The following HRH1 variants were observed in gnomAD, a reference collection of about 807,000 sequenced individuals.
The protein encoded by HRH1 is histamine receptor H1, also known as histamine H1 receptor.
In HRH1, 6 loss-of-function variants were observed where a neutral mutation model predicts 10.3. The ratio of observed to expected loss-of-function variants is 0.58; its 90% CI spans 0.32 to 1.15. HRH1 has a LOEUF of 1.15. Among genes scored for constraint, HRH1 ranks in the 50% most tolerant of loss-of-function variants. The probability of loss-of-function intolerance (pLI) is 0.05; values close to 1 mark genes in which losing one functional copy is unlikely to be tolerated. For synonymous variants in HRH1, 242 were observed against 236.7 expected, an observed-to-expected ratio of 1.02 and a Z score of -0.21; for missense variants, 514 against 615.3, an observed-to-expected ratio of 0.84 and a Z score of 1.74.
chr3:11,173,558 C>T (rs1420533387), intron 1 of HRH1, among the ~76,000 whole-genome samples: 1 of 151,760 alleles, frequency 6.6e-6, no homozygotes, highest in Non-Finnish European at 1.5e-5. Context: ...CCCGCCACCA[C>T]ACCCAGCTAA....
chr3:11,248,615 A>C (rs192280838), intron 1 of HRH1, among the ~76,000 whole-genome samples: 2 of 152,360 alleles, frequency 1.3e-5, no homozygotes, highest in East Asian at 3.9e-4. Context: ...GAACAAGGGC[A>C]TACTGATTGG....
At chr3:11,253,139 A>G (rs1319069777) in intron 1 of HRH1, 1 of 152,176 alleles carries the variant, frequency 6.6e-6, no homozygotes, top group Non-Finnish European at 1.5e-5. Flanking sequence ...CCAGAGATAA[A>G]AAGTTTTTCT....
intron 1 of HRH1, among the ~76,000 whole-genome samples, chr3:11,251,897 T>C (rs911985324): frequency 2.6e-5 from 4 of 152,220 alleles, no homozygotes; most frequent in African/African-American, 4.8e-5. Flanking sequence ...ATTGAATGCA[T>C]TTGGACCATC....
rs1012924398 is a variant in HRH1, at chr3:11,177,164, G to A, written c.-36+22610G>A. ...TCCTATAATCCCAGCATTCAGGGAG[G>A]CCAAGTAAGGTGGGAGGATTGCTTG... On this transcript the variant is annotated intron_variant, in intron 1 of 1. Coordinates refer to ENST00000431010, the MANE Select transcript of HRH1 (RefSeq NM_001098212.2). Among the ~76,000 whole-genome samples the A allele has an allele frequency of 3.3e-5, 5 of 151,962 alleles. No individual in the cohort carries two copies. In the South Asian group the frequency reaches 8.3e-4, roughly 25 times the overall value.
At chr3:11,152,568 G>A (rs192661048), upstream of HRH1, among the ~76,000 whole-genome samples, 3 of 152,160 alleles carry the variant, frequency 2.0e-5, no homozygotes, top group Admixed American at 6.5e-5. Context: ...AGAGAGGAGG[G>A]ATGAAAGTGT....
intron 1 of HRH1, among the ~76,000 whole-genome samples, chr3:11,207,716 G>T (rs540672785): frequency 2.0e-4 from 30 of 152,202 alleles, no homozygotes; most frequent in Admixed American, 1.0e-3. Context: ...TCCCTCCTAG[G>T]GTGATTCTGA....
chr3:11,186,319 C>T (rs971993212), intron 1 of HRH1, among the ~76,000 whole-genome samples: 10 of 152,226 alleles, frequency 6.6e-5, no homozygotes, highest in African/African-American at 2.4e-4. Context: ...GCATTATCTG[C>T]TTCAGAACAG....
chr3:11,232,463 C>G (rs1008533101), intron 1 of HRH1, among the ~76,000 whole-genome samples: 2 of 152,176 alleles, frequency 1.3e-5, no homozygotes, highest in African/African-American at 4.8e-5. Context: ...TCTTGCCTCT[C>G]TGTTCTATTC....
chr3:11,153,726 A>G (rs1460942282), upstream of HRH1, among the ~76,000 whole-genome samples: 1 of 151,922 alleles, frequency 6.6e-6, no homozygotes, highest in Non-Finnish European at 1.5e-5. Context: ...TGCCAGGGAC[A>G]GAGGTTCCCG....
At chr3:11,190,767 CT>C (rs983085848) in intron 1 of HRH1, among the ~76,000 whole-genome samples, 3 of 152,108 alleles carry the variant, frequency 2.0e-5, no homozygotes, top group African/African-American at 7.2e-5. Context: ...GGGAGGATCG[CT>C]TGAGCCGTGA....
intron 1 of HRH1, among the ~76,000 whole-genome samples, chr3:11,167,341 T>C (rs1268388278): frequency 6.0e-5 from 7 of 117,460 alleles, no homozygotes; most frequent in Non-Finnish European, 1.1e-4. Flanking sequence ...TGACATCTGC[T>C]GTCCCCTGGC....
chr3:11,248,083 A>T (rs1939537568), intron 1 of HRH1, among the ~76,000 whole-genome samples: 1 of 152,124 alleles, frequency 6.6e-6, no homozygotes, highest in African/African-American at 2.4e-5. Context: ...TTATTGTTCC[A>T]TCGGGGGCGG....
intron 1 of HRH1, among the ~76,000 whole-genome samples, chr3:11,146,875 G>T (rs935459167): frequency 1.3e-5 from 2 of 152,180 alleles, no homozygotes; most frequent in Non-Finnish European, 2.9e-5. Context: ...GCTAAGAGAG[G>T]AAATGAGACT....
chr3:11,180,324 G>C (rs559902258), intron 1 of HRH1, among the ~76,000 whole-genome samples: 1 of 152,098 alleles, frequency 6.6e-6, no homozygotes. Context: ...CCACGGACGG[G>C]GGTTGAAGGG....
Position 11,259,658 on chromosome 3 carries a change from C to G in HRH1, c.621C>G (p.Leu207=). The G allele has an allele frequency of 6.2e-7, 1 of 1,613,998 alleles. No individual in the cohort carries two copies. The highest frequency in any genetic ancestry group is 8.5e-7 in the Non-Finnish European group (1 of 1,180,004). The change falls in exon 2 of 2, where the codon CTC becomes CTG. Residue 207 remains leucine, a synonymous_variant. Coordinates refer to ENST00000431010, the MANE Select transcript of HRH1 (RefSeq NM_001098212.2). The surrounding 1 kb of genome is among the most constrained non-coding windows in gnomAD (Gnocchi z 4.6). The stretch of plus-strand genomic sequence containing the variant: ...TCTACCTGCCCACCTTGCTCATGCT[C>G]TGGTTCTATGCCAAGATCTACAAGG... The part of the protein sequence containing the change: ...INFYLPTLLM[L]WFYAKIYKAV...
Position 11,262,597 on chromosome 3 carries a change from G to C in HRH1, c.*2096G>C, listed in dbSNP as rs1376110194. 1 of 167,078 alleles carries C rather than the reference G, an allele frequency of 6.0e-6. No individual in the cohort carries two copies. The highest frequency in any genetic ancestry group is 1.9e-4 in the East Asian group (1 of 5,196). The allele number at this position is 167,078 out of a possible 1,614,324, so 10.3% of individuals were successfully genotyped here. ...CATTGTTCAGAAGACCTCCCTGTGA[G>C]AGAGTTGCTCCTCAGGGTCCCTCAG... On this transcript the variant is annotated 3_prime_UTR_variant, in exon 2 of 2. Coordinates refer to ENST00000431010, the MANE Select transcript of HRH1 (RefSeq NM_001098212.2).
At chr3:11,156,989 T>G (rs890614798) in intron 1 of HRH1, among the ~76,000 whole-genome samples, 2 of 152,246 alleles carry the variant, frequency 1.3e-5, no homozygotes, top group African/African-American at 4.8e-5. Flanking sequence ...CTTCTGATAC[T>G]CTGCTAGACA....
At position 11,198,934 on chromosome 3, in the gene HRH1, T is replaced by C. The variant is rs548686346; in HGVS notation, c.-36+44380T>C. 2.3e-3 allele frequency among the ~76,000 whole-genome samples: 353 copies of C among 151,776 alleles called. 3 individuals are homozygous for C. Among genetic ancestry groups the C allele is most frequent in the Middle Eastern group, 6.8e-3 (2 of 294 alleles). ...CACACACACACACACACACATTTTT[T>C]TTTTTTTGAGACAGAGTCTCACTCC... is the stretch of plus-strand genomic sequence containing the variant. On this transcript the variant is annotated intron_variant, in intron 1 of 1. Transcript: ENST00000431010.
At chr3:11,248,330 T>C (rs1939544843) in intron 1 of HRH1, among the ~76,000 whole-genome samples, 1 of 152,216 alleles carries the variant, frequency 6.6e-6, no homozygotes, top group Non-Finnish European at 1.5e-5. Flanking sequence ...ACCAGAACAA[T>C]ATAAATTTGA....
Sources: gnomAD v4.1 joint callset for allele counts (sites outside exome capture counted in the v4.1 genomes callset) on GRCh38, gnomAD v4.1.1 for gene constraint, Gnocchi (gnomAD v3.1) non-coding constraint, MANE v1.5 for transcripts, NCBI Gene and HGNC (gene_info 2026-07-23, HGNC 2026-07-21) for gene names.